The following REDIC1 variants were observed in gnomAD, a reference collection of about 807,000 sequenced individuals.
REDIC1 encodes the protein regulator of DNA class I crossover intermediates 1.
the REDIC1 span, among the ~76,000 whole-genome samples, chr12:39,855,375 T>C: frequency 6.6e-6 from 1 of 152,208 alleles, no homozygotes; most frequent in African/African-American, 2.4e-5. Context: ...TTTATGCAGT[T>C]AAAGAACACT....
At chr12:39,816,665 A>C in the REDIC1 span, among the ~76,000 whole-genome samples, 1 of 152,020 alleles carries the variant, frequency 6.6e-6, no homozygotes. Context: ...TTAGGGTATA[A>C]AGGAAAATTC....
At chr12:39,723,132 A>G in the REDIC1 span, among the ~76,000 whole-genome samples, 2 of 152,116 alleles carry the variant, frequency 1.3e-5, no homozygotes, top group Non-Finnish European at 2.9e-5. Flanking sequence ...CCATCACTCC[A>G]TGAGAGAGGA....
At chr12:39,703,684 A>G in the REDIC1 span, among the ~76,000 whole-genome samples, 1 of 152,208 alleles carries the variant, frequency 6.6e-6, no homozygotes, top group Admixed American at 6.5e-5. Context: ...AAACTATACT[A>G]CAAGGCTACA....
chr12:39,704,605 A>G, the REDIC1 span, among the ~76,000 whole-genome samples: 1 of 151,838 alleles, frequency 6.6e-6, no homozygotes, highest in Non-Finnish European at 1.5e-5. Context: ...TCATGCTGCT[A>G]TAAAGACACA....
the REDIC1 span, among the ~76,000 whole-genome samples, chr12:39,672,294 G>A: frequency 6.6e-6 from 1 of 152,210 alleles, no homozygotes; most frequent in African/African-American, 2.4e-5. Context: ...AGGCTGTAGT[G>A]AACAGGGCAG....
the REDIC1 span, among the ~76,000 whole-genome samples, chr12:39,806,179 G>A: frequency 7.9e-5 from 12 of 152,008 alleles, no homozygotes; most frequent in Non-Finnish European, 1.5e-4. Context: ...GAAAAAAATC[G>A]ATGACAAGTT....
chr12:39,830,003 T>C, the REDIC1 span: 3 of 1,461,704 alleles, frequency 2.1e-6, no homozygotes, highest in Non-Finnish European at 2.8e-6. Flanking sequence ...TGAAGGCCAG[T>C]TTAAAAGAAC....
the REDIC1 span, among the ~76,000 whole-genome samples, chr12:39,662,568 A>T: frequency 1.3e-5 from 2 of 152,024 alleles, no homozygotes; most frequent in Admixed American, 6.6e-5. Context: ...AGATCATGTC[A>T]TCTGCAAAGA....
the REDIC1 span, among the ~76,000 whole-genome samples, chr12:39,851,028 T>C: frequency 6.6e-6 from 1 of 151,952 alleles, no homozygotes. Context: ...GCCTCCTGAG[T>C]AGCTGGGATT....
the REDIC1 span, among the ~76,000 whole-genome samples, chr12:39,716,423 C>T: frequency 6.6e-6 from 1 of 151,818 alleles, no homozygotes; most frequent in South Asian, 2.1e-4. Context: ...CTCTTCCTTC[C>T]CTCAGGTTAA....
chr12:39,845,921 T>C, the REDIC1 span, among the ~76,000 whole-genome samples: 2 of 152,106 alleles, frequency 1.3e-5, no homozygotes, highest in South Asian at 4.1e-4. Context: ...GGAGGAGGCT[T>C]AGAAAAGAAC....
At chr12:39,859,469 G>A in the REDIC1 span, among the ~76,000 whole-genome samples, 1 of 151,944 alleles carries the variant, frequency 6.6e-6, no homozygotes, top group African/African-American at 2.4e-5. Flanking sequence ...GAAAACAGGT[G>A]ACTTTAAGTA....
At chr12:39,896,463 T>TACAC in the REDIC1 span, among the ~76,000 whole-genome samples, 2 of 144,130 alleles carry the variant, frequency 1.4e-5, no homozygotes, top group Non-Finnish European at 3.0e-5. Flanking sequence ...TGTATATATG[T>TACAC]ATACATATAT....
the REDIC1 span, among the ~76,000 whole-genome samples, chr12:39,717,134 C>T: frequency 7.0e-6 from 1 of 143,484 alleles, no homozygotes; most frequent in Non-Finnish European, 1.6e-5. Context: ...CATATATATA[C>T]ATATATATGT....
the REDIC1 span, among the ~76,000 whole-genome samples, chr12:39,637,999 T>G: frequency 6.6e-6 from 1 of 152,032 alleles, no homozygotes; most frequent in Non-Finnish European, 1.5e-5. Context: ...TACCAGTATC[T>G]GAGGCCCCTG....
chr12:39,732,317 G>A, the REDIC1 span, among the ~76,000 whole-genome samples: 3 of 152,102 alleles, frequency 2.0e-5, no homozygotes, highest in Non-Finnish European at 4.4e-5. Context: ...TCTCCATCCT[G>A]TATATTTCCT....
the REDIC1 span, among the ~76,000 whole-genome samples, chr12:39,855,597 T>C: frequency 6.6e-6 from 1 of 152,226 alleles, no homozygotes; most frequent in Non-Finnish European, 1.5e-5. Context: ...TGTTTGTTTG[T>C]TTTTAAATCT....
the REDIC1 span, among the ~76,000 whole-genome samples, chr12:39,884,691 G>A: frequency 6.6e-6 from 1 of 152,158 alleles, no homozygotes; most frequent in Non-Finnish European, 1.5e-5. Flanking sequence ...GGTGGGCTGA[G>A]TTCTATGACA....
chr12:39,648,412 A>G, the REDIC1 span, among the ~76,000 whole-genome samples: 1 of 151,940 alleles, frequency 6.6e-6, no homozygotes, highest in Non-Finnish European at 1.5e-5. Context: ...GATAATTTTT[A>G]TAATTTGAAA....
Sources: allele counts gnomAD v4.1 joint callset (sites outside exome capture counted in the v4.1 genomes callset), GRCh38; gene constraint gnomAD v4.1.1; transcripts MANE v1.5; gene names NCBI Gene and HGNC (gene_info 2026-07-23, HGNC 2026-07-21).